The following UNC5A variants were observed in gnomAD, a reference collection of about 807,000 sequenced individuals.
UNC5A encodes unc-5 netrin receptor A.
Under a neutral mutation model 87.4 loss-of-function variants are expected in UNC5A, and 20 were observed. The ratio of observed to expected loss-of-function variants is 0.23; its 90% CI spans 0.16 to 0.33. The LOEUF is 0.33. UNC5A is among the 10% of genes least tolerant of loss of function. The pLI is 1.00. For synonymous variants in UNC5A, 438 were observed against 482.3 expected (o/e 0.91, Z 1.20); for missense variants, 844 against 1,133.4 (o/e 0.74, Z 3.67).
chr5:176,879,019 G>C lies in UNC5A; in HGVS notation c.2185-291G>C, dbSNP rs560033153. Among the ~76,000 whole-genome samples the C allele has an allele frequency of 9.8e-5, 15 of 152,324 alleles. No homozygotes were observed. In the East Asian group the frequency reaches 2.9e-3, roughly 29 times the overall value. Reference sequence around the variant, plus strand: ...ACTCAGGCCGTGAAGAGAGCTGTGTGTGTTGAGTGTCAGCAGAGGCTGGGC... The same window carrying C: ...ACTCAGGCCGTGAAGAGAGCTGTGTCTGTTGAGTGTCAGCAGAGGCTGGGC... On this transcript the variant is annotated intron_variant, in intron 13 of 14. Coordinates refer to ENST00000329542, the MANE Select transcript of UNC5A (RefSeq NM_133369.3).
intron 1 of UNC5A, among the ~76,000 whole-genome samples, chr5:176,855,608 C>T (rs1052199535): frequency 2.6e-5 from 4 of 152,238 alleles, no homozygotes; most frequent in Admixed American, 2.6e-4. Context: ...GTGGCGAAGA[C>T]GCCGCCGGTG....
At chr5:176,850,580 C>T (rs1417066125) in intron 1 of UNC5A, among the ~76,000 whole-genome samples, 4 of 152,028 alleles carry the variant, frequency 2.6e-5, no homozygotes, top group East Asian at 3.9e-4. Context: ...CTAGGGACCC[C>T]GGGGCAGGAG....
Position 176,841,717 on chromosome 5 carries a change from T to G in UNC5A, c.71-20907T>G, listed in dbSNP as rs1757280231. On this transcript the variant is annotated intron_variant, in intron 1 of 14. Transcript: ENST00000329542. The surrounding 1 kb of genome is among the most constrained non-coding windows in gnomAD (Gnocchi z 4.1). The stretch of plus-strand genomic sequence containing the variant: ...CTCCCAAGAGAAGTAAAGATATATG[T>G]CCACCAAAGACCTGTCTGTGAAAGC... Among the ~76,000 whole-genome samples the G allele has an allele frequency of 6.6e-6, 1 of 152,164 alleles. No individual in the cohort carries two copies. The highest frequency in any genetic ancestry group is 2.1e-4 in the South Asian group (1 of 4,824).
At chr5:176,832,353 G>A (rs1013643623) in intron 1 of UNC5A, among the ~76,000 whole-genome samples, 1 of 152,254 alleles carries the variant, frequency 6.6e-6, no homozygotes, top group Non-Finnish European at 1.5e-5. Flanking sequence ...TGGGGTGACA[G>A]TTGTGAAATG....
Position 176,827,553 on chromosome 5 carries a change from A to G in UNC5A, c.70+16733A>G, listed in dbSNP as rs111420472. On this transcript the variant is annotated intron_variant, in intron 1 of 14. Coordinates refer to ENST00000329542, the MANE Select transcript of UNC5A (RefSeq NM_133369.3). ...CCACATTTGGTTTATCCATTCACCC[A>G]TTGGTAGACATTTGGGTCGTTTCTA... Among the ~76,000 whole-genome samples the G allele has an allele frequency of 2.5e-3, 383 of 152,312 alleles. 5 individuals are homozygous for G. Among genetic ancestry groups the G allele is most frequent in the African/African-American group, 8.7e-3 (360 of 41,550 alleles).
chr5:176,833,277 G>A (rs1007315918), intron 1 of UNC5A, among the ~76,000 whole-genome samples: 1 of 152,114 alleles, frequency 6.6e-6, no homozygotes, highest in African/African-American at 2.4e-5. Flanking sequence ...TGCCTGATGG[G>A]TAGTTTTTCC....
Position 176,878,624 on chromosome 5 carries a change from C to T in UNC5A, c.2169C>T (p.Asn723=). The change falls in exon 13 of 15, where the codon AAC becomes AAT. Residue 723 remains asparagine (N), a synonymous_variant. Transcript: ENST00000329542. ...GCGACGGGCAGAGCTTCAGCATCAA[C>T]TTCAACATCACCAAGGTGGACGGGA... ...VEGDGQSFSI[N]FNITKDTRFA... 6.2e-7 allele frequency: 1 copy of T among 1,612,188 alleles called. No individual in the cohort carries two copies. Among genetic ancestry groups the T allele is most frequent in the Non-Finnish European group, 8.5e-7 (1 of 1,179,548 alleles).
chr5:176,842,242 G>A (rs1757295537), intron 1 of UNC5A, among the ~76,000 whole-genome samples: 1 of 152,226 alleles, frequency 6.6e-6, no homozygotes, highest in Non-Finnish European at 1.5e-5. Flanking sequence ...CATGGATGTG[G>A]TGATCAGGGA....
chr5:176,879,691 G>A, intron 14 of UNC5A, 30 bp from the exon 15 acceptor site: 1 of 1,608,534 alleles, frequency 6.2e-7, no homozygotes, highest in Middle Eastern at 1.9e-4. Flanking sequence ...GGCCAGGCCA[G>A]GCTGCTGACG....
At chr5:176,873,291 A>T (rs1758177103) in intron 6 of UNC5A, among the ~76,000 whole-genome samples, 1 of 152,006 alleles carries the variant, frequency 6.6e-6, no homozygotes, top group African/African-American at 2.4e-5. Flanking sequence ...TTACAAGGCC[A>T]TAACTAACAA....
intron 1 of UNC5A, among the ~76,000 whole-genome samples, chr5:176,815,641 C>G (rs1340642693): frequency 6.6e-6 from 1 of 152,226 alleles, no homozygotes; most frequent in African/African-American, 2.4e-5. Context: ...CCTCTGTGTT[C>G]CTTCGCATTT....
intron 2 of UNC5A, among the ~76,000 whole-genome samples, chr5:176,863,171 C>T (rs1324740202): frequency 6.6e-6 from 1 of 152,276 alleles, no homozygotes; most frequent in East Asian, 1.9e-4. Context: ...CACAGAGAGG[C>T]AGACAGCGGG....
chr5:176,837,871 T>G (rs992246360), intron 1 of UNC5A, among the ~76,000 whole-genome samples: 1 of 152,036 alleles, frequency 6.6e-6, no homozygotes, highest in Non-Finnish European at 1.5e-5. Flanking sequence ...ACAGAGGCTG[T>G]CCCTCTGCGG....
At chr5:176,815,632 C>T (rs1235047621) in intron 1 of UNC5A, among the ~76,000 whole-genome samples, 1 of 152,232 alleles carries the variant, frequency 6.6e-6, no homozygotes, top group African/African-American at 2.4e-5. Context: ...TGTCTCCTTC[C>T]TCTGTGTTCC....
At chr5:176,825,524 G>A (rs966435959) in intron 1 of UNC5A, among the ~76,000 whole-genome samples, 4 of 152,218 alleles carry the variant, frequency 2.6e-5, no homozygotes, top group Admixed American at 1.3e-4. Context: ...TTTGGAATCT[G>A]CAGAGCATGG....
intron 1 of UNC5A, among the ~76,000 whole-genome samples, chr5:176,845,295 G>A (rs780056243): frequency 6.6e-5 from 10 of 152,142 alleles, no homozygotes; most frequent in Non-Finnish European, 8.8e-5. Flanking sequence ...GTCTTCTGCC[G>A]CCCCTGCTTC....
Position 176,868,203 on chromosome 5 carries a change from C to T in UNC5A, c.366C>T (p.Tyr122=). The change falls in exon 3 of 15, where the codon TAC becomes TAT. Residue 122 remains tyrosine (Y), a synonymous_variant. Transcript: ENST00000329542. ...QVEKVFGLEE[Y]WCQCVAWSSS... ...AGAAGGTGTTCGGGCTGGAGGAATA[C>T]TGGTGCCAGTGCGTGGCATGGAGCT... The T allele has an allele frequency of 6.2e-7, 1 of 1,613,720 alleles. No homozygotes were observed. The highest frequency in any genetic ancestry group is 8.5e-7 in the Non-Finnish European group (1 of 1,179,964).
chr5:176,868,003 T>TTA, intron 2 of UNC5A, 127 bp from the exon 3 acceptor site: 2 of 571,912 alleles, frequency 3.5e-6, no homozygotes, highest in Non-Finnish European at 5.0e-6. Context: ...TAATAAAATT[T>TTA]AAAAAAAAAA....
chr5:176,870,697 G>A (rs951167963), intron 6 of UNC5A, 163 bp downstream of exon 6: 4 of 785,324 alleles, frequency 5.1e-6, no homozygotes, highest in Non-Finnish European at 7.7e-6. Flanking sequence ...ACCTGCACAT[G>A]GGCCCAGGCG....
Sources: gnomAD v4.1 joint callset for allele counts (sites outside exome capture counted in the v4.1 genomes callset) on GRCh38, gnomAD v4.1.1 for gene constraint, Gnocchi (gnomAD v3.1) non-coding constraint, MANE v1.5 for transcripts, NCBI Gene and HGNC (gene_info 2026-07-23, HGNC 2026-07-21) for gene names.